Variants in CSMD1 observed in about 807,000 individuals in gnomAD.
CSMD1 encodes CUB and Sushi multiple domains 1.
In CSMD1, 213 loss-of-function variants were observed where a neutral mutation model predicts 417.5. That is an observed-to-expected ratio of 0.51 (90% CI 0.46 to 0.57). The LOEUF (loss-of-function observed/expected upper bound fraction) is 0.57, where lower values mean the gene tolerates loss of function less well. Among genes scored for constraint, CSMD1 ranks in the 20% least tolerant of loss-of-function variants. CSMD1 has a pLI of 0.00. For missense variants in CSMD1, 6,923 were observed against 4,529.7 expected, an observed-to-expected ratio of 1.53 and a Z score of -15.17; for synonymous variants, 2,862 against 1,736.8, an observed-to-expected ratio of 1.65 and a Z score of -16.11.
At chr8:3,819,773 G>C (rs552917872) in intron 5 of CSMD1, among the ~76,000 whole-genome samples, 62 of 152,092 alleles carry the variant, frequency 4.1e-4, no homozygotes, top group Middle Eastern at 3.2e-3. Context: ...AAATTATATA[G>C]AGATGTAAGC....
At chr8:4,404,897 G>T (rs1327813734) in intron 3 of CSMD1, among the ~76,000 whole-genome samples, 3 of 152,068 alleles carry the variant, frequency 2.0e-5, no homozygotes, top group Admixed American at 2.0e-4. Context: ...TTCGCTCATT[G>T]AATTTTTCCA....
intron 1 of CSMD1, among the ~76,000 whole-genome samples, chr8:4,889,552 T>G (rs1803970296): frequency 6.6e-6 from 1 of 152,072 alleles, no homozygotes; most frequent in Non-Finnish European, 1.5e-5. Context: ...CAACAATTCT[T>G]GTTATTTTTA....
At chr8:3,702,926 G>C (rs1006586151) in intron 7 of CSMD1, among the ~76,000 whole-genome samples, 32 of 152,324 alleles carry the variant, frequency 2.1e-4, no homozygotes, top group Admixed American at 5.2e-4. Context: ...TTCAGGGTGA[G>C]AAAGAAAATG....
intron 1 of CSMD1, among the ~76,000 whole-genome samples, chr8:4,814,889 A>G (rs1799119168): frequency 6.6e-6 from 1 of 152,196 alleles, no homozygotes; most frequent in Non-Finnish European, 1.5e-5. Flanking sequence ...CACTGATAAA[A>G]ACTATATAAT....
intron 3 of CSMD1, among the ~76,000 whole-genome samples, chr8:4,223,368 T>G (rs192213220): frequency 2.0e-5 from 3 of 152,232 alleles, no homozygotes; most frequent in Admixed American, 1.3e-4. Context: ...CTGTAGTCCA[T>G]CCATCAAGTA....
chr8:4,628,935 G>C (rs964979150), intron 2 of CSMD1, among the ~76,000 whole-genome samples: 8 of 152,128 alleles, frequency 5.3e-5, no homozygotes, highest in African/African-American at 1.4e-4. Flanking sequence ...TGGACACTCT[G>C]ATACTGTGTT....
At chr8:3,888,005 G>A (rs986802195) in intron 5 of CSMD1, among the ~76,000 whole-genome samples, 1 of 152,164 alleles carries the variant, frequency 6.6e-6, no homozygotes, top group African/African-American at 2.4e-5. Context: ...TATTAAAGGA[G>A]TCCAACTTCT....
intron 3 of CSMD1, among the ~76,000 whole-genome samples, chr8:4,119,965 T>A (rs1413975641): frequency 6.6e-6 from 1 of 152,100 alleles, no homozygotes; most frequent in Non-Finnish European, 1.5e-5. Context: ...AAAATTAGTT[T>A]AAAAGAATGA....
At chr8:3,886,016 C>CAT (rs890578738) in intron 5 of CSMD1, among the ~76,000 whole-genome samples, 1 of 151,604 alleles carries the variant, frequency 6.6e-6, no homozygotes, top group Admixed American at 6.6e-5. Flanking sequence ...TATATGTGTA[C>CAT]ATATATATAC....
At chr8:4,919,477 G>A (rs1272924059) in intron 1 of CSMD1, among the ~76,000 whole-genome samples, 4 of 152,092 alleles carry the variant, frequency 2.6e-5, no homozygotes, top group Non-Finnish European at 5.9e-5. Context: ...GCCATTCCCT[G>A]GCTATTTGAA....
chr8:3,478,471 T>C (rs1817552039), intron 11 of CSMD1, among the ~76,000 whole-genome samples: 1 of 152,154 alleles, frequency 6.6e-6, no homozygotes, highest in Non-Finnish European at 1.5e-5. Context: ...ATATCAGGCC[T>C]GATAATGGCA....
chr8:4,707,073 A>G (rs1276185808), intron 1 of CSMD1, among the ~76,000 whole-genome samples: 3 of 152,212 alleles, frequency 2.0e-5, no homozygotes, highest in African/African-American at 4.8e-5. Flanking sequence ...AGATTAGGAA[A>G]GATCACCCTG....
intron 7 of CSMD1, among the ~76,000 whole-genome samples, chr8:3,708,017 CAAT>C (rs1182376867): frequency 6.6e-6 from 1 of 152,122 alleles, no homozygotes; most frequent in East Asian, 1.9e-4. Flanking sequence ...AGTGAATGGT[CAAT>C]AATATTTCAA....
In CSMD1 at chr8:4,246,493, T is replaced by C. The variant is rs189154162; in HGVS notation, c.415+173460A>G. On this transcript the variant is annotated intron_variant, in intron 3 of 69. Coordinates refer to ENST00000635120, the MANE Select transcript of CSMD1 (RefSeq NM_033225.6). ...TGGTCTTGTTACAGAGATAAGAGTT[T>C]TTAAAGAAAATTGTAAGACCCTTGT... 5.5e-3 allele frequency among the ~76,000 whole-genome samples: 842 copies of C among 152,318 alleles called. 3 individuals carry two copies. The highest frequency in any genetic ancestry group is 0.031 in the Middle Eastern group (9 of 294).
chr8:4,442,896 G>C (rs1251456411), intron 2 of CSMD1, among the ~76,000 whole-genome samples: 4 of 152,150 alleles, frequency 2.6e-5, no homozygotes, highest in African/African-American at 9.7e-5. Flanking sequence ...ACAGTGAACA[G>C]ATGTTTATGT....
chr8:4,881,307 G>C (rs2116956408), intron 1 of CSMD1, among the ~76,000 whole-genome samples: 1 of 152,112 alleles, frequency 6.6e-6, no homozygotes, highest in South Asian at 2.1e-4. Flanking sequence ...TAGTGACAAT[G>C]CATTTTTTTA....
chr8:4,462,411 A>T (rs1799889120), intron 2 of CSMD1, among the ~76,000 whole-genome samples: 1 of 152,124 alleles, frequency 6.6e-6, no homozygotes, highest in African/African-American at 2.4e-5. Context: ...ATAAGATGGC[A>T]ATACTCCCCA....
At chr8:3,763,502 C>T (rs1254697445) in intron 5 of CSMD1, among the ~76,000 whole-genome samples, 4 of 152,126 alleles carry the variant, frequency 2.6e-5, no homozygotes, top group Non-Finnish European at 5.9e-5. Context: ...TATACCTGTG[C>T]CCACTCTACC....
intron 2 of CSMD1, among the ~76,000 whole-genome samples, chr8:4,442,442 A>C (rs145641848): frequency 6.6e-6 from 1 of 152,186 alleles, no homozygotes; most frequent in Non-Finnish European, 1.5e-5. Flanking sequence ...GCCCAGTTCT[A>C]TAAATACATC....
Sources: allele counts gnomAD v4.1 joint callset (sites outside exome capture counted in the v4.1 genomes callset), GRCh38; gene constraint gnomAD v4.1.1; transcripts MANE v1.5; gene names NCBI Gene and HGNC (gene_info 2026-07-23, HGNC 2026-07-21).